Variants in R3HDM2 observed in about 807,000 individuals in gnomAD.
The protein encoded by R3HDM2 is R3H domain-containing protein 2.
R3HDM2 carries 38 observed loss-of-function variants against 124.5 expected under a neutral mutation model. The ratio of observed to expected loss-of-function variants is 0.31; its 90% CI spans 0.24 to 0.40. R3HDM2 has a LOEUF of 0.40. Ranked by LOEUF, R3HDM2 falls within the 10% of genes least tolerant of loss-of-function variation. The pLI, the probability that R3HDM2 is intolerant of heterozygous loss-of-function variation, is 1.00. For missense variants in R3HDM2, 869 were observed against 1,236.9 expected, an observed-to-expected ratio of 0.70 and a Z score of 4.46; for synonymous variants, 391 against 448.0, an observed-to-expected ratio of 0.87 and a Z score of 1.61.
chr12:57,430,643 C>T (rs1033019328), intron 1 of R3HDM2, 77 bp downstream of exon 1: 12 of 965,836 alleles, frequency 1.2e-5, no homozygotes, highest in Non-Finnish European at 1.5e-5. Context: ...CTCCTCGCGC[C>T]CGCCCGTGCG....
intron 16 of R3HDM2, 84 bp downstream of exon 16, chr12:57,269,239 C>G (rs962070924): frequency 5.1e-6 from 8 of 1,574,716 alleles, no homozygotes; most frequent in Non-Finnish European, 5.2e-6. Context: ...GACCCACCTT[C>G]ATTTTAATGG....
intron 2 of R3HDM2, among the ~76,000 whole-genome samples, chr12:57,392,951 C>A (rs1406376946): frequency 6.6e-6 from 1 of 151,658 alleles, no homozygotes; most frequent in East Asian, 1.9e-4. Context: ...ACTACAGGCA[C>A]CTGCCACCAC....
At chr12:57,315,132 G>C (rs567634288) in intron 2 of R3HDM2, among the ~76,000 whole-genome samples, 1 of 151,930 alleles carries the variant, frequency 6.6e-6, no homozygotes, top group South Asian at 2.1e-4. Context: ...CTGCTTCCCA[G>C]GTTCAAGTGA....
In R3HDM2 at chr12:57,264,296, C is replaced by T. The variant is rs556311213; in HGVS notation, c.2131+2435G>A. 6.8e-5 allele frequency among the ~76,000 whole-genome samples: 10 copies of T among 147,674 alleles called. No homozygotes were observed. The South Asian group carries it at 2.1e-3, about 32-fold the overall frequency. On this transcript the variant is annotated intron_variant, in intron 19 of 23. Transcript: ENST00000402412. The stretch of plus-strand genomic sequence containing the variant: ...CTGGGCTGGGAAGCTGGCTCAACAC[C>T]TGTAATCCTAGCACTTTGGGAGGCC...
intron 14 of R3HDM2, chr12:57,272,497 G>C: frequency 6.5e-7 from 1 of 1,550,342 alleles, no homozygotes; most frequent in Non-Finnish European, 8.7e-7. Context: ...AGGACTTGGG[G>C]ACAGGAGCTT....
At chr12:57,403,573 C>T (rs1048032442) in intron 1 of R3HDM2, among the ~76,000 whole-genome samples, 3 of 152,032 alleles carry the variant, frequency 2.0e-5, no homozygotes, top group African/African-American at 7.2e-5. Flanking sequence ...CTTTGGGAGA[C>T]AGGGGCGGGT....
chr12:57,339,288 C>T (rs1302272332), intron 2 of R3HDM2, among the ~76,000 whole-genome samples: 2 of 152,106 alleles, frequency 1.3e-5, no homozygotes, highest in South Asian at 2.1e-4. Flanking sequence ...TAAGCCACTA[C>T]GTCTGACCCA....
intron 4 of R3HDM2, among the ~76,000 whole-genome samples, chr12:57,301,260 C>A (rs2051085987): frequency 6.6e-6 from 1 of 152,158 alleles, no homozygotes; most frequent in Non-Finnish European, 1.5e-5. Context: ...CTATGCAAAT[C>A]ATTTCCCTCC....
rs144980573 is a variant in R3HDM2 at position 57,258,849 on chromosome 12, G to T, written c.2301+41C>A. On this transcript the variant is annotated intron_variant, in intron 20 of 23. Coordinates refer to ENST00000402412, the MANE Select transcript of R3HDM2 (RefSeq NM_001394031.1). The stretch of plus-strand genomic sequence containing the variant: ...AAACATTGCGCCCCGGGAAGAATAC[G>T]GTCATCTCCTTGCCAAGACAAGGCT... 2.2e-4 allele frequency: 325 copies of T among 1,449,726 alleles called. No individual in the cohort carries two copies. The African/African-American group carries it at 4.5e-3, about 20-fold the overall frequency. 89.8% of individuals were successfully genotyped at this position (1,449,726 alleles called of 1,614,324 possible). A position where few individuals can be genotyped will look rare whatever the true frequency, so the allele number is the denominator to read the frequency against.
At position 57,254,565 on chromosome 12, in the gene R3HDM2, A is replaced by G. The variant is rs2038341702; in HGVS notation, c.*208T>C. The G allele has an allele frequency of 7.9e-6, 4 of 506,614 alleles. No individual in the cohort carries two copies. The highest frequency in any genetic ancestry group is 1.4e-5 in the Non-Finnish European group (4 of 291,534). The allele number at this position is 506,614 out of a possible 1,614,324, so 31.4% of individuals were successfully genotyped here. ...AAGAGTGATGCAAGGGGGGTCAACCAGGGAAAAAGAGAGGACCCATGGCAG... is the reference window on the plus strand; with the variant it reads ...AAGAGTGATGCAAGGGGGGTCAACCGGGGAAAAAGAGAGGACCCATGGCAG... On this transcript the variant is annotated 3_prime_UTR_variant, in exon 24 of 24. Transcript: ENST00000402412.
At chr12:57,285,213 T>C (rs1379797973) in intron 12 of R3HDM2, among the ~76,000 whole-genome samples, 1 of 152,114 alleles carries the variant, frequency 6.6e-6, no homozygotes, top group Non-Finnish European at 1.5e-5. Context: ...AGGCTCAGAG[T>C]TATTTTAATA....
intron 22 of R3HDM2, 107 bp from the exon 23 acceptor site, chr12:57,256,181 C>A: frequency 8.6e-7 from 1 of 1,158,804 alleles, no homozygotes. Context: ...CAGAGGACCC[C>A]ACCCCACTAG....
At chr12:57,310,548 T>G (rs1176470035) in intron 2 of R3HDM2, 85 bp from the exon 3 acceptor site, 1 of 684,040 alleles carries the variant, frequency 1.5e-6, no homozygotes, top group Non-Finnish European at 2.1e-6. Flanking sequence ...ACGGGTACAT[T>G]TTTTCCAGCA....
At chr12:57,401,566 G>C (rs2068053268) in intron 1 of R3HDM2, among the ~76,000 whole-genome samples, 2 of 152,212 alleles carry the variant, frequency 1.3e-5, no homozygotes, top group Non-Finnish European at 2.9e-5. Context: ...CATAAACAAA[G>C]AATGCAGCTG....
intron 1 of R3HDM2, chr12:57,418,103 T>C (rs1192954360): frequency 3.2e-6 from 3 of 947,406 alleles, no homozygotes; most frequent in Admixed American, 6.2e-5. Context: ...AAGTGAACTC[T>C]CTACCAACAT....
intron 1 of R3HDM2, among the ~76,000 whole-genome samples, chr12:57,422,073 C>T (rs58908394): frequency 1.3e-4 from 16 of 124,220 alleles, no homozygotes; most frequent in Non-Finnish European, 2.5e-4. Context: ...GCCTGGGAGA[C>T]AGAGGGAGAC....
At chr12:57,373,854 G>A (rs1415240300) in intron 2 of R3HDM2, among the ~76,000 whole-genome samples, 4 of 141,144 alleles carry the variant, frequency 2.8e-5, no homozygotes, top group Admixed American at 7.2e-5. Context: ...TAATAAGGGC[G>A]TGGTGGCTCA....
chr12:57,297,923 AT>A, intron 7 of R3HDM2, 166 bp downstream of exon 7: 3 of 620,928 alleles, frequency 4.8e-6, no homozygotes, highest in Non-Finnish European at 8.7e-6. Context: ...ATGTGAGAGT[AT>A]TTTGAATCCC....
chr12:57,287,414 C>T (rs1271797063), intron 12 of R3HDM2, among the ~76,000 whole-genome samples: 1 of 152,198 alleles, frequency 6.6e-6, no homozygotes, highest in East Asian at 1.9e-4. Context: ...TCTATCTCTA[C>T]TACCACCAAC....
Sources: gnomAD v4.1 joint callset for allele counts (sites outside exome capture counted in the v4.1 genomes callset) on GRCh38, gnomAD v4.1.1 for gene constraint, MANE v1.5 for transcripts, NCBI Gene and HGNC (gene_info 2026-07-23, HGNC 2026-07-21) for gene names.